The following KAZN variants were observed in gnomAD, a reference collection of about 807,000 sequenced individuals.
KAZN encodes kazrin.
KAZN carries 40 observed loss-of-function variants against 87.4 expected under a neutral mutation model. That is an observed-to-expected ratio of 0.46 (90% CI 0.36 to 0.60). The LOEUF is 0.60. KAZN is among the 20% of genes least tolerant of loss of function. The probability of loss-of-function intolerance (pLI) is 0.00; values close to 1 mark genes in which losing one functional copy is unlikely to be tolerated. For missense variants in KAZN, 898 were observed against 1,073.9 expected, an observed-to-expected ratio of 0.84 and a Z score of 2.29; for synonymous variants, 466 against 458.3, an observed-to-expected ratio of 1.02 and a Z score of -0.22.
At chr1:14,535,741 T>G (rs1044220960) in intron 2 of KAZN, among the ~76,000 whole-genome samples, 7 of 152,148 alleles carry the variant, frequency 4.6e-5, no homozygotes, top group Admixed American at 4.6e-4. Context: ...CACGGAAAAC[T>G]GACGGCTGCT....
intron 8 of KAZN, among the ~76,000 whole-genome samples, chr1:15,079,786 A>G (rs1168658122): frequency 6.6e-6 from 1 of 152,232 alleles, no homozygotes; most frequent in Non-Finnish European, 1.5e-5. Flanking sequence ...AGCTGGAGAA[A>G]GATGGGCTTC....
chr1:14,449,302 T>A (rs1667140640), intron 2 of KAZN, among the ~76,000 whole-genome samples: 1 of 152,214 alleles, frequency 6.6e-6, no homozygotes, highest in East Asian at 1.9e-4. Context: ...CTGCTGGCCA[T>A]CCTGGATTCC....
At chr1:14,790,172 T>G (rs928040867) in intron 1 of KAZN, among the ~76,000 whole-genome samples, 4 of 151,860 alleles carry the variant, frequency 2.6e-5, no homozygotes, top group Non-Finnish European at 5.9e-5. Flanking sequence ...CAGCTAATTT[T>G]GTTTTTTTCT....
At chr1:14,900,646 C>A (rs549833493) in intron 1 of KAZN, among the ~76,000 whole-genome samples, 1 of 150,462 alleles carries the variant, frequency 6.6e-6, no homozygotes, top group Admixed American at 6.7e-5. Context: ...CCCAACTACT[C>A]GGGAGGCTGA....
chr1:14,263,283 T>A (rs182295362), intron 2 of KAZN, among the ~76,000 whole-genome samples: 2 of 152,294 alleles, frequency 1.3e-5, no homozygotes, highest in African/African-American at 4.8e-5. Context: ...GTCAGCTAAT[T>A]ACAAAAATCA....
chr1:14,814,799 A>G (rs924092401), intron 1 of KAZN, among the ~76,000 whole-genome samples: 3 of 152,218 alleles, frequency 2.0e-5, no homozygotes, highest in African/African-American at 7.2e-5. Flanking sequence ...GGAAGTTGTC[A>G]GCTTCAAATT....
chr1:14,597,482 T>C (rs182433288), upstream of KAZN, among the ~76,000 whole-genome samples: 80 of 152,260 alleles, frequency 5.3e-4, no homozygotes, highest in African/African-American at 1.7e-3. Context: ...CTTAAGTAAA[T>C]TGCTTAACCC....
intron 1 of KAZN, among the ~76,000 whole-genome samples, chr1:14,063,925 T>C (rs1219522906): frequency 4.0e-5 from 6 of 151,182 alleles, no homozygotes; most frequent in Non-Finnish European, 8.8e-5. Context: ...CCCAGCCATG[T>C]GGAACTGTGA....
At chr1:14,502,674 G>A (rs76468711) in intron 2 of KAZN, among the ~76,000 whole-genome samples, 1,747 of 152,198 alleles carry the variant, frequency 0.011, 31 homozygotes, top group Non-Finnish European at 8.5e-3. Context: ...AACCTCCAAC[G>A]TCTGCTGGGC....
chr1:14,355,107 T>C (rs1037441670), intron 2 of KAZN, among the ~76,000 whole-genome samples: 3 of 152,138 alleles, frequency 2.0e-5, no homozygotes, highest in African/African-American at 7.2e-5. Context: ...GCACAAACTA[T>C]ATGATTCCAC....
chr1:14,064,217 C>T lies in KAZN; in HGVS notation c.92-116218C>T, dbSNP rs192618895. On this transcript the variant is annotated intron_variant, in intron 1 of 16. Transcript: ENST00000636203. ...AGAGTGTCTTCAACTACATGCTGCC[C>T]TTGTGTTTACATTGCCAGAAGAGAG... Among the ~76,000 whole-genome samples, 3 of 152,292 alleles carry T rather than the reference C, an allele frequency of 2.0e-5. No individual in the cohort carries two copies. In the East Asian group the frequency reaches 5.8e-4, roughly 29 times the overall value.
At chr1:14,213,908 AT>A (rs1646906499) in intron 2 of KAZN, among the ~76,000 whole-genome samples, 1 of 152,196 alleles carries the variant, frequency 6.6e-6, no homozygotes, top group Non-Finnish European at 1.5e-5. Flanking sequence ...CGATTTACTG[AT>A]GCATCATATG....
intron 1 of KAZN, among the ~76,000 whole-genome samples, chr1:14,699,544 A>C (rs1641805461): frequency 6.6e-6 from 1 of 152,246 alleles, no homozygotes. Context: ...TTAGCATCAA[A>C]GAAATAGCAG....
chr1:13,970,617 T>C (rs1642104141), intron 1 of KAZN, among the ~76,000 whole-genome samples: 2 of 152,246 alleles, frequency 1.3e-5, no homozygotes, highest in Non-Finnish European at 2.9e-5. Flanking sequence ...GGCAGGGGGA[T>C]AGAGGATTTG....
chr1:14,878,061 A>G (rs1285320370), intron 1 of KAZN, among the ~76,000 whole-genome samples: 4 of 152,164 alleles, frequency 2.6e-5, no homozygotes, highest in African/African-American at 7.2e-5. Flanking sequence ...GAACCTGCAG[A>G]CATGGTTAAA....
At chr1:14,488,910 T>TC (rs1318427377) in intron 2 of KAZN, among the ~76,000 whole-genome samples, 3 of 152,208 alleles carry the variant, frequency 2.0e-5, no homozygotes, top group Non-Finnish European at 2.9e-5. Context: ...AGGACAGGAT[T>TC]CATTTCTTGT....
intron 1 of KAZN, among the ~76,000 whole-genome samples, chr1:14,950,223 C>T (rs546794392): frequency 6.6e-6 from 1 of 152,152 alleles, no homozygotes; most frequent in African/African-American, 2.4e-5. Context: ...CCATCACCCC[C>T]TACCGAGTGT....
chr1:15,006,394 T>A (rs12045446), intron 2 of KAZN, among the ~76,000 whole-genome samples: 10,913 of 152,182 alleles, frequency 0.072, 460 homozygotes, highest in East Asian at 0.18. Context: ...GAAGTTCTAA[T>A]TGGATTGGAC....
chr1:14,150,599 G>A (rs912081643), intron 1 of KAZN, among the ~76,000 whole-genome samples: 2 of 152,192 alleles, frequency 1.3e-5, no homozygotes, highest in Non-Finnish European at 2.9e-5. Flanking sequence ...CCATTTGTAT[G>A]TTAATTGAAC....
Sources: gnomAD v4.1 joint callset for allele counts (sites outside exome capture counted in the v4.1 genomes callset) on GRCh38, gnomAD v4.1.1 for gene constraint, MANE v1.5 for transcripts, NCBI Gene and HGNC (gene_info 2026-07-23, HGNC 2026-07-21) for gene names.